Variants in NARF observed in about 807,000 individuals in gnomAD.
NARF encodes nuclear prelamin A recognition factor.
NARF carries 41 observed loss-of-function variants against 48.0 expected under a neutral mutation model. The observed-to-expected ratio is 0.85, with a 90% CI of 0.66 to 1.11. The LOEUF is 1.11. Among genes scored for constraint, NARF ranks in the 50% least tolerant of loss-of-function variants. The pLI is 0.00. For synonymous variants in NARF, 215 were observed against 225.5 expected, an observed-to-expected ratio of 0.95 and a Z score of 0.42; for missense variants, 613 against 590.2, an observed-to-expected ratio of 1.04 and a Z score of -0.40.
intron 3 of NARF, among the ~76,000 whole-genome samples, chr17:82,466,232 G>T (rs1337026903): frequency 6.6e-6 from 1 of 152,158 alleles, no homozygotes; most frequent in Non-Finnish European, 1.5e-5. Context: ...AGTGATAGGG[G>T]CAAACAGCTG....
chr17:82,487,955 G>T lies in NARF; in HGVS notation c.1169G>T (p.Gly390Val). ...AGAGGCCAAGCCCAGACTCCAGACG[G>T]ACATGCGGATAAGGCCCTGCTGCGG... ...NGRGQAQTPD[G>V]HADKALLRQM... The change falls in exon 11 of 11, where the codon GGA becomes GTA. Residue 390 changes from glycine to valine, a missense_variant. Gly to Val is a moderately radical substitution (Grantham distance 109). Coordinates refer to ENST00000309794, the MANE Select transcript of NARF (RefSeq NM_012336.4). 2.5e-6 allele frequency: 4 copies of T among 1,614,214 alleles called. No individual in the cohort carries two copies. Among genetic ancestry groups the T allele is most frequent in the Non-Finnish European group, 3.4e-6 (4 of 1,180,048 alleles).
chr17:82,474,892 G>A (rs745311765), intron 5 of NARF, among the ~76,000 whole-genome samples: 8 of 152,190 alleles, frequency 5.3e-5, no homozygotes, highest in Non-Finnish European at 7.3e-5. Flanking sequence ...TCTTTCAGCT[G>A]TATGGTTTGC....
chr17:82,460,122 T>A (rs376538567), intron 2 of NARF, 50 bp downstream of exon 2: 1 of 1,505,006 alleles, frequency 6.6e-7, no homozygotes, highest in Admixed American at 1.7e-5. Context: ...CTACTGCTGC[T>A]GTTTTTCTCT....
intron 2 of NARF, chr17:82,460,547 G>C (rs1308288368): frequency 6.5e-6 from 1 of 153,454 alleles, no homozygotes; most frequent in Non-Finnish European, 1.5e-5. Context: ...GGCGGATCAT[G>C]AGATCAGGAG....
intron 4 of NARF, among the ~76,000 whole-genome samples, chr17:82,471,010 A>G (rs1000342393): frequency 3.3e-5 from 5 of 151,686 alleles, no homozygotes; most frequent in Non-Finnish European, 2.9e-5. Flanking sequence ...TAAAAATACA[A>G]AAATTAGCCT....
Position 82,465,310 on chromosome 17 carries a change from A to G in NARF, c.252+880A>G, listed in dbSNP as rs876067. Among the ~76,000 whole-genome samples, 920 of 152,312 alleles carry G rather than the reference A, an allele frequency of 6.0e-3. 14 individuals carry two copies. Among genetic ancestry groups the G allele is most frequent in the African/African-American group, 0.021 (889 of 41,566 alleles). ...GGGACGCAGAGCCAAACCATATCAC[A>G]GGTGAAAGAGAAAGAGACAAAGGCA... On this transcript the variant is annotated intron_variant, in intron 3 of 10. Transcript: ENST00000309794.
intron 6 of NARF, chr17:82,479,173 T>G (rs2043904464): frequency 8.9e-6 from 3 of 335,590 alleles, no homozygotes; most frequent in Non-Finnish European, 1.7e-5. Context: ...CTGGGCCCAT[T>G]CGGGGTAGAG....
intron 4 of NARF, among the ~76,000 whole-genome samples, chr17:82,471,208 C>G (rs186174121): frequency 0.023 from 3,510 of 150,592 alleles, 55 homozygotes; most frequent in Admixed American, 0.046. Flanking sequence ...GTAATCCCAG[C>G]ACTTTGGGAG....
chr17:82,470,365 A>G (rs2043670153), intron 4 of NARF, among the ~76,000 whole-genome samples: 1 of 152,242 alleles, frequency 6.6e-6, no homozygotes, highest in South Asian at 2.1e-4. Flanking sequence ...CAAATGCTAT[A>G]TATTCTCACG....
At position 82,468,822 on chromosome 17, in the gene NARF, C is replaced by T; in HGVS notation, c.311C>T (p.Pro104Leu). 2 of 1,614,028 alleles carry T rather than the reference C, an allele frequency of 1.2e-6. No homozygotes were observed. The highest frequency in any genetic ancestry group is 2.7e-5 in the African/African-American group (2 of 75,034). ...LVVSVCPQSL[P>L]YFAAKFNLSV... Reference sequence around the variant, plus strand: ...GTGTCTGTGTGTCCTCAATCTTTGCCTTATTTTGCTGCTAAATTCAACCTC... The same window carrying T: ...GTGTCTGTGTGTCCTCAATCTTTGCTTTATTTTGCTGCTAAATTCAACCTC... Residue 104 changes from proline (P) to leucine (L), a missense_variant, in exon 4 of 11, where the codon CCT (proline) becomes CTT (leucine). Physicochemically the swap from Pro to Leu is moderately conservative, Grantham distance 98. Coordinates refer to ENST00000309794, the MANE Select transcript of NARF (RefSeq NM_012336.4).
intron 1 of NARF, chr17:82,459,253 C>T: frequency 2.1e-6 from 2 of 934,176 alleles, no homozygotes; most frequent in Non-Finnish European, 2.6e-6. Context: ...TGCTGACCGG[C>T]GCCTTCCGCG....
At chr17:82,483,273 T>G (rs1165520048) in intron 7 of NARF, 2 of 382,418 alleles carry the variant, frequency 5.2e-6, no homozygotes, top group African/African-American at 2.2e-5. Context: ...GAGACAAGAT[T>G]GCACCACTGG....
rs2043737935 is a variant in NARF, at chr17:82,472,614, G to A, written c.436G>A (p.Glu146Lys). 1 of 1,613,806 alleles carries A rather than the reference G, an allele frequency of 6.2e-7. No individual in the cohort carries two copies. Among genetic ancestry groups the A allele is most frequent in the South Asian group, 1.1e-5 (1 of 91,024 alleles). ...TTIAADFSIL[E>K]SQKEFVRRYR... ...GATAGCTGCGGATTTTAGTATCCTG[G>A]AGAGTCAAAAAGAATTCGTGCGTCG... Residue 146 changes from glutamate to lysine, a missense_variant, in exon 5 of 11, where the codon GAG (glutamate) becomes AAG (lysine). Physicochemically the swap from Glu to Lys is moderately conservative, Grantham distance 56. Coordinates refer to ENST00000309794, the MANE Select transcript of NARF (RefSeq NM_012336.4).
chr17:82,472,639 G>A lies in NARF; in HGVS notation c.461G>A (p.Arg154His), dbSNP rs1227179442. ...ILESQKEFVR[R>H]YRQHSEEERT... Reference sequence around the variant, plus strand: ...GAGAGTCAAAAAGAATTCGTGCGTCGCTATCGCCAGCACAGTGAGGAGGAA... The same window carrying A: ...GAGAGTCAAAAAGAATTCGTGCGTCACTATCGCCAGCACAGTGAGGAGGAA... The change falls in exon 5 of 11, where the codon CGC (arginine) becomes CAC (histidine). Residue 154 changes from arginine (R) to histidine (H), a missense_variant. Coordinates refer to ENST00000309794, the MANE Select transcript of NARF (RefSeq NM_012336.4). The A allele has an allele frequency of 2.5e-6, 4 of 1,613,764 alleles. No individual in the cohort carries two copies. Among genetic ancestry groups the A allele is most frequent in the African/African-American group, 2.7e-5 (2 of 74,880 alleles).
chr17:82,465,639 G>A (rs1390767756), intron 3 of NARF, among the ~76,000 whole-genome samples: 1 of 152,126 alleles, frequency 6.6e-6, no homozygotes, highest in African/African-American at 2.4e-5. Context: ...GAGAGTCTCA[G>A]TGGGGAGACT....
intron 3 of NARF, among the ~76,000 whole-genome samples, chr17:82,467,434 G>A (rs933804686): frequency 2.6e-5 from 4 of 152,072 alleles, no homozygotes; most frequent in African/African-American, 9.7e-5. Context: ...AGAACAGTTT[G>A]TAGATGAGGC....
chr17:82,473,754 C>T (rs894161432), intron 5 of NARF, among the ~76,000 whole-genome samples: 3 of 151,704 alleles, frequency 2.0e-5, no homozygotes, highest in Non-Finnish European at 4.4e-5. Flanking sequence ...GATGGGGTTT[C>T]GCCATGTTGC....
At chr17:82,487,788 C>CCAAAAAGA (rs2044129534) in intron 10 of NARF, 128 bp from the exon 11 acceptor site, 25 of 759,744 alleles carry the variant, frequency 3.3e-5, no homozygotes, top group Non-Finnish European at 3.9e-5. Context: ...CCCTCCCGCC[C>CCAAAAAGA]AATCTCTACA....
chr17:82,463,351 C>T (rs1465478045), intron 2 of NARF: 1 of 152,196 alleles, frequency 6.6e-6, no homozygotes, highest in Non-Finnish European at 1.5e-5. Flanking sequence ...TTCAAGCTCT[C>T]ATGAGCTTAC....
Sources: gnomAD v4.1 joint callset for allele counts (sites outside exome capture counted in the v4.1 genomes callset) on GRCh38, gnomAD v4.1.1 for gene constraint, MANE v1.5 for transcripts, NCBI Gene and HGNC (gene_info 2026-07-23, HGNC 2026-07-21) for gene names.